Variants in ADAMTSL3 observed in about 807,000 individuals in gnomAD.
ADAMTSL3 encodes the protein ADAMTS-like protein 3.
A neutral mutation model predicts 201.7 loss-of-function variants in ADAMTSL3; 128 were observed. That is an observed-to-expected ratio of 0.63 (90% confidence interval 0.55 to 0.73). The LOEUF is 0.73. Ranked by LOEUF, ADAMTSL3 falls within the 30% of genes least tolerant of loss-of-function variation. The pLI, the probability that ADAMTSL3 is intolerant of heterozygous loss-of-function variation, is 0.00. For missense variants in ADAMTSL3, 1,990 were observed against 2,119.6 expected, an observed-to-expected ratio of 0.94 and a Z score of 1.20; for synonymous variants, 738 against 748.4, an observed-to-expected ratio of 0.99 and a Z score of 0.23.
chr15:83,679,803 C>T lies in ADAMTSL3; in HGVS notation c.69+23973C>T, dbSNP rs1596015475. ...GGGAGAGGAGCACCGCCTGCCACCA[C>T]TGGGTAAGGGTGGAAGTCCAGGCTT... On this transcript the variant is annotated intron_variant, in intron 2 of 29. Coordinates refer to ENST00000286744, the MANE Select transcript of ADAMTSL3 (RefSeq NM_207517.3). Among the ~76,000 whole-genome samples, 3 of 152,204 alleles carry T rather than the reference C, an allele frequency of 2.0e-5. No homozygotes were observed. In the East Asian group the frequency reaches 5.8e-4, roughly 29 times the overall value.
chr15:83,701,182 G>A (rs1260018034), intron 2 of ADAMTSL3, among the ~76,000 whole-genome samples: 11 of 152,084 alleles, frequency 7.2e-5, no homozygotes, highest in East Asian at 3.9e-4. Flanking sequence ...GTATCCAGTC[G>A]GGGGTATAGT....
chr15:84,006,657 A>C (rs1473386047), intron 23 of ADAMTSL3, among the ~76,000 whole-genome samples: 1 of 152,332 alleles, frequency 6.6e-6, no homozygotes, highest in African/African-American at 2.4e-5. Context: ...TCTTGGGGGA[A>C]ATAGCCTGTC....
At chr15:83,842,536 G>T (rs1471482074) in intron 7 of ADAMTSL3, among the ~76,000 whole-genome samples, 4 of 151,934 alleles carry the variant, frequency 2.6e-5, no homozygotes, top group Non-Finnish European at 5.9e-5. Context: ...CCTGAGAGGG[G>T]GATAAGGGAA....
chr15:83,744,735 A>G (rs1185695345), intron 3 of ADAMTSL3, among the ~76,000 whole-genome samples: 1 of 152,040 alleles, frequency 6.6e-6, no homozygotes. Flanking sequence ...CTTTGGCCAA[A>G]TCTCCCTACT....
At chr15:84,017,149 G>T (rs1247709067) in intron 25 of ADAMTSL3, among the ~76,000 whole-genome samples, 2 of 151,976 alleles carry the variant, frequency 1.3e-5, no homozygotes, top group African/African-American at 4.8e-5. Context: ...ACAGAATCTC[G>T]CTCTGCCTCC....
At chr15:83,778,989 C>A (rs908198350) in intron 4 of ADAMTSL3, among the ~76,000 whole-genome samples, 5 of 152,152 alleles carry the variant, frequency 3.3e-5, no homozygotes. Context: ...ACAAAACAGA[C>A]TTTAAACCAG....
intron 23 of ADAMTSL3, among the ~76,000 whole-genome samples, chr15:84,010,088 A>G (rs1041086598): frequency 5.3e-5 from 8 of 152,244 alleles, no homozygotes; most frequent in Non-Finnish European, 8.8e-5. Context: ...AAGTCTATGA[A>G]TTGCTTTTAG....
chr15:83,665,000 G>T (rs2061229438), intron 2 of ADAMTSL3, among the ~76,000 whole-genome samples: 1 of 152,164 alleles, frequency 6.6e-6, no homozygotes, highest in African/African-American at 2.4e-5. Context: ...TGATCAGGAG[G>T]TGGTGGAGGC....
At chr15:84,019,092 C>T (rs1452001270) in intron 25 of ADAMTSL3, among the ~76,000 whole-genome samples, 3 of 151,460 alleles carry the variant, frequency 2.0e-5, no homozygotes. Flanking sequence ...CACACACACA[C>T]ACACACACAC....
chr15:83,699,411 G>A (rs2562776), intron 2 of ADAMTSL3, among the ~76,000 whole-genome samples: 129,862 of 152,106 alleles, frequency 0.85, 55,914 homozygotes, highest in East Asian at 0.96. Context: ...CTCCCTCATC[G>A]GAAAGCTTTG....
At chr15:83,954,837 G>A (rs1333216635) in intron 19 of ADAMTSL3, among the ~76,000 whole-genome samples, 1 of 152,268 alleles carries the variant, frequency 6.6e-6, no homozygotes, top group East Asian at 1.9e-4. Flanking sequence ...GCATCTCTCT[G>A]CCTCTGTCTC....
chr15:83,722,268 G>A lies in ADAMTSL3; in HGVS notation c.189+17760G>A, dbSNP rs557663744. Among the ~76,000 whole-genome samples the A allele has an allele frequency of 7.9e-5, 12 of 152,304 alleles. No individual in the cohort carries two copies. In the South Asian group the frequency reaches 1.2e-3, roughly 16 times the overall value. ...AAATCAACGAGGAGACTGTAGCTATGTTGGACAGATCTCAGACATCCAATG... is the reference window on the plus strand; with the variant it reads ...AAATCAACGAGGAGACTGTAGCTATATTGGACAGATCTCAGACATCCAATG... On this transcript the variant is annotated intron_variant, in intron 3 of 29. Transcript: ENST00000286744.
chr15:83,885,448 A>C (rs1297114843), intron 10 of ADAMTSL3, among the ~76,000 whole-genome samples: 2 of 152,094 alleles, frequency 1.3e-5, no homozygotes, highest in African/African-American at 2.4e-5. Flanking sequence ...AGCCAAAAAA[A>C]AAAAACAAAA....
At position 83,982,365 on chromosome 15, in the gene ADAMTSL3, C is replaced by T. The variant is rs370008263; in HGVS notation, c.2737C>T (p.Arg913Cys). Residue 913 changes from arginine to cysteine, a missense_variant, in exon 21 of 30, where the codon CGT becomes TGT. Physicochemically the swap from Arg to Cys is radical, Grantham distance 180. Transcript: ENST00000286744. Reference protein sequence around the residue: ...RVYIQTREEKRINLTIGSRAY... With the variant: ...RVYIQTREEKCINLTIGSRAY... ...CTACATTCAGACAAGGGAAGAGAAG[C>T]GTATTAACCTGACCATTGGTAGCAG... 79 of 1,613,828 alleles carry T rather than the reference C, an allele frequency of 4.9e-5. 1 individual carries two copies. The Admixed American group carries it at 8.0e-4, about 16-fold the overall frequency.
intron 2 of ADAMTSL3, among the ~76,000 whole-genome samples, chr15:83,684,265 C>G (rs1215507993): frequency 6.6e-6 from 1 of 152,204 alleles, no homozygotes; most frequent in Non-Finnish European, 1.5e-5. Context: ...TTTGTCAACA[C>G]AAAACCCTAG....
At chr15:83,783,877 C>A (rs2063217758) in intron 4 of ADAMTSL3, among the ~76,000 whole-genome samples, 1 of 143,750 alleles carries the variant, frequency 7.0e-6, no homozygotes, top group South Asian at 2.4e-4. Flanking sequence ...CTCCACATTC[C>A]TTTACTTCAA....
chr15:83,852,590 ATCT>A (rs2064640697), intron 7 of ADAMTSL3, among the ~76,000 whole-genome samples: 1 of 151,940 alleles, frequency 6.6e-6, no homozygotes, highest in African/African-American at 2.4e-5. Context: ...TCTCTTCATA[ATCT>A]TCTTGACATT....
intron 17 of ADAMTSL3, among the ~76,000 whole-genome samples, chr15:83,937,683 G>A (rs115165003): frequency 0.015 from 2,322 of 151,094 alleles, 212 homozygotes; most frequent in African/African-American, 0.051. Context: ...CATTACGTAT[G>A]TTAAAAGTCA....
chr15:83,958,231 G>C (rs2066896242), intron 19 of ADAMTSL3, among the ~76,000 whole-genome samples: 1 of 152,202 alleles, frequency 6.6e-6, no homozygotes, highest in Non-Finnish European at 1.5e-5. Flanking sequence ...AAATAGGTCT[G>C]AGACCAATCA....
Sources: gnomAD v4.1 joint callset for allele counts (sites outside exome capture counted in the v4.1 genomes callset) on GRCh38, gnomAD v4.1.1 for gene constraint, MANE v1.5 for transcripts, NCBI Gene and HGNC (gene_info 2026-07-23, HGNC 2026-07-21) for gene names.